The following LTBP2 variants were observed in gnomAD, a reference collection of about 807,000 sequenced individuals.
LTBP2 encodes the protein latent-transforming growth factor beta-binding protein 2.
In LTBP2, 103 loss-of-function variants were observed where a neutral mutation model predicts 210.6. The ratio of observed to expected loss-of-function variants is 0.49; its 90% confidence interval spans 0.42 to 0.58. The LOEUF (loss-of-function observed/expected upper bound fraction) is 0.58. LTBP2 is among the 20% of genes least tolerant of loss of function. The probability of loss-of-function intolerance (pLI) is 0.00; values close to 1 mark genes in which losing one functional copy is unlikely to be tolerated. For missense variants in LTBP2, 2,313 were observed against 2,494.5 expected (o/e 0.93, Z 1.55); for synonymous variants, 1,007 against 1,015.0 (o/e 0.99, Z 0.15).
chr14:74,604,164 C>CAAACAAAAAAAAAAAAAAAAAAAA (rs1273987376), intron 1 of LTBP2, among the ~76,000 whole-genome samples: 6 of 72,750 alleles, frequency 8.2e-5, no homozygotes, highest in African/African-American at 4.5e-4. Context: ...TGCCTCTCAC[C>CAAACAAAAAAAAAAAAAAAAAAAA]AAAAAAAAAA....
At chr14:74,505,261 T>C in intron 28 of LTBP2, 87 bp from the exon 29 acceptor site, 1 of 1,447,298 alleles carries the variant, frequency 6.9e-7, no homozygotes, top group South Asian at 1.2e-5. Context: ...AAATTTAACA[T>C]TTGTGTAGCA....
At chr14:74,538,104 A>G (rs1316544110) in intron 8 of LTBP2, among the ~76,000 whole-genome samples, 2 of 152,086 alleles carry the variant, frequency 1.3e-5, no homozygotes, top group South Asian at 2.1e-4. Flanking sequence ...ACCAAGAGGC[A>G]TGTTAGAGAT....
chr14:74,508,910 C>T lies in LTBP2; in HGVS notation c.3446G>A (p.Gly1149Asp). 1 of 1,613,822 alleles carries T rather than the reference C, an allele frequency of 6.2e-7. No individual in the cohort carries two copies. The highest frequency in any genetic ancestry group is 1.7e-5 in the Admixed American group (1 of 60,026). The change falls in exon 23 of 36, where the codon GGC becomes GAC. Residue 1149 changes from glycine (G) to aspartate (D), a missense_variant. Physicochemically the swap from Gly to Asp is moderately conservative, Grantham distance 94. Around this residue, in one of 3 missense-constraint regions of LTBP2, gnomAD observed 1,867 missense variants for 1,976.9 expected, o/e 0.94. Transcript: ENST00000261978. ...CEDPQSSCLG[G>D]ECKNTVGSYQ... Reference sequence around the variant, plus strand: ...GGAGCCCACAGTGTTCTTGCACTCGCCTCCCAGGCAGCTGCTCTGGGGGTC... The same window carrying T: ...GGAGCCCACAGTGTTCTTGCACTCGTCTCCCAGGCAGCTGCTCTGGGGGTC...
In LTBP2 at chr14:74,507,204, G is replaced by C. The variant is rs2087003181; in HGVS notation, c.3882C>G (p.His1294Gln). ...RCVLGCQPGF[H>Q]MAPNGDCIDI... ...CAATGCAGTCTCCGTTCGGGGCCAT[G>C]TGGAAGCCAGGCTGGCAGCCCAGAA... The change falls in exon 26 of 36, where the codon CAC becomes CAG. Residue 1294 changes from histidine to glutamine, a missense_variant. This residue lies in a region of LTBP2 where 1,867 missense variants were observed against 1,976.9 expected (regional missense o/e 0.94). Transcript: ENST00000261978. 6.2e-7 allele frequency: 1 copy of C among 1,614,060 alleles called. No homozygotes were observed. The highest frequency in any genetic ancestry group is 1.7e-5 in the Admixed American group (1 of 60,008).
chr14:74,569,863 G>A (rs1023076562), intron 3 of LTBP2, among the ~76,000 whole-genome samples: 5 of 152,042 alleles, frequency 3.3e-5, no homozygotes, highest in Non-Finnish European at 5.9e-5. Context: ...CCAAGCTCAC[G>A]TATCTCATGA....
chr14:74,529,230 G>A (rs2087319712), intron 10 of LTBP2, 108 bp from the exon 11 acceptor site: 1 of 1,314,324 alleles, frequency 7.6e-7, no homozygotes, highest in Admixed American at 2.0e-5. Context: ...ACTCAGACTG[G>A]CCTGGCCCAT....
intron 8 of LTBP2, 122 bp downstream of exon 8, chr14:74,549,741 C>A (rs1428107665): frequency 1.2e-6 from 1 of 836,382 alleles, no homozygotes; most frequent in Non-Finnish European, 2.1e-6. Context: ...GGGAAGTCTG[C>A]AGTTTACCAG....
intron 2 of LTBP2, among the ~76,000 whole-genome samples, chr14:74,596,264 A>AAT (rs750158243): frequency 0.15 from 22,586 of 148,936 alleles, 2,654 homozygotes; most frequent in African/African-American, 0.34. Context: ...TAAATAAATA[A>AAT]AAATTAAAAA....
rs781717691 is a variant in LTBP2, at chr14:74,499,141, G to A, written c.*1743C>T. The A allele has an allele frequency of 6.0e-5, 13 of 216,050 alleles. No individual in the cohort carries two copies. The highest frequency in any genetic ancestry group is 9.3e-5 in the Non-Finnish European group (10 of 107,216). The allele number at this position is 216,050 out of a possible 1,614,324, so 13.4% of individuals were successfully genotyped here. A position where few individuals can be genotyped will look rare whatever the true frequency, so the allele number is the denominator to read the frequency against. On this transcript the variant is annotated 3_prime_UTR_variant, in exon 36 of 36. Coordinates refer to ENST00000261978, the MANE Select transcript of LTBP2 (RefSeq NM_000428.3). The stretch of plus-strand genomic sequence containing the variant: ...CTATTTCCCACATGCTTGCCAGCTA[G>A]GAGTCTTAACAAGCTTTTTGATCTT...
chr14:74,548,785 C>T (rs949581441), intron 8 of LTBP2, among the ~76,000 whole-genome samples: 16 of 152,130 alleles, frequency 1.1e-4, no homozygotes, highest in African/African-American at 3.6e-4. Context: ...CAGCAGTCTA[C>T]GAGGCTGGCA....
Position 74,583,196 on chromosome 14 carries a change from A to G in LTBP2, c.830+2658T>C, listed in dbSNP as rs138156917. ...GCTCTCCTAAAGAGGGCCTCTGGCC[A>G]TCACCAATCCCTGCAGTGTTCCCCT... On this transcript the variant is annotated intron_variant, in intron 3 of 35. Coordinates refer to ENST00000261978, the MANE Select transcript of LTBP2 (RefSeq NM_000428.3). 9.8e-3 allele frequency among the ~76,000 whole-genome samples: 1,491 copies of G among 152,288 alleles called. 29 individuals are homozygous for G. Among genetic ancestry groups the G allele is most frequent in the African/African-American group, 0.034 (1,427 of 41,564 alleles).
chr14:74,603,802 G>A (rs2088482856), intron 1 of LTBP2, 97 bp from the exon 2 acceptor site: 2 of 957,078 alleles, frequency 2.1e-6, no homozygotes, highest in Non-Finnish European at 3.4e-6. Context: ...GGCAGGGCCT[G>A]GAGGAACATG....
Position 74,529,013 on chromosome 14 carries a change from G to T in LTBP2, c.2097C>A (p.Ser699Arg), listed in dbSNP as rs1350090510. ...QRITKQICCCSRVGKAWGSEC... is the reference protein window; with the variant it reads ...QRITKQICCCRRVGKAWGSEC... ...CGCTGCCCCATGCTTTGCCCACGCG[G>T]CTGCAGCAGCATATCTGCTTGGTGA... is the stretch of plus-strand genomic sequence containing the variant. The change falls in exon 11 of 36, where the codon AGC becomes AGA. Residue 699 changes from serine to arginine, a missense_variant. Transcript: ENST00000261978. The T allele has an allele frequency of 1.9e-6, 3 of 1,602,648 alleles. No individual in the cohort carries two copies. The highest frequency in any genetic ancestry group is 3.4e-5 in the Admixed American group (2 of 58,730).
intron 8 of LTBP2, among the ~76,000 whole-genome samples, chr14:74,540,809 AAT>A (rs1358020227): frequency 2.2e-4 from 14 of 63,812 alleles, no homozygotes; most frequent in East Asian, 8.6e-4. Context: ...ATATATATAT[AAT>A]ATATATATAT....
At chr14:74,600,227 C>G (rs1302217200) in intron 2 of LTBP2, among the ~76,000 whole-genome samples, 1 of 152,204 alleles carries the variant, frequency 6.6e-6, no homozygotes, top group East Asian at 1.9e-4. Context: ...GCACAGGGAC[C>G]AGTTAATGAG....
At chr14:74,534,330 G>T (rs187995888) in intron 9 of LTBP2, among the ~76,000 whole-genome samples, 1 of 152,312 alleles carries the variant, frequency 6.6e-6, no homozygotes, top group East Asian at 1.9e-4. Flanking sequence ...GACACTGGCA[G>T]ACATGTGGCA....
intron 2 of LTBP2, among the ~76,000 whole-genome samples, chr14:74,594,870 TG>T (rs1296778292): frequency 2.0e-5 from 3 of 152,218 alleles, no homozygotes; most frequent in Non-Finnish European, 2.9e-5. Context: ...GCCCAGGGGC[TG>T]TGTCTCCCAG....
chr14:74,514,535 T>C (rs2087111163), intron 18 of LTBP2, among the ~76,000 whole-genome samples: 1 of 152,184 alleles, frequency 6.6e-6, no homozygotes, highest in South Asian at 2.1e-4. Context: ...AGGCATTCAC[T>C]TCTGGTGGTT....
chr14:74,565,248 C>A (rs61980889), intron 3 of LTBP2, among the ~76,000 whole-genome samples: 1 of 152,102 alleles, frequency 6.6e-6, no homozygotes, highest in Non-Finnish European at 1.5e-5. Context: ...GGGACTAGTA[C>A]CCTAGCAAAG....
Sources: gnomAD v4.1 joint callset for allele counts (sites outside exome capture counted in the v4.1 genomes callset) on GRCh38, gnomAD v4.1.1 for gene constraint, gnomAD v4.1.1 regional missense constraint, MANE v1.5 for transcripts, NCBI Gene and HGNC (gene_info 2026-07-23, HGNC 2026-07-21) for gene names.